The following ZNF236 variants were observed in gnomAD, a reference collection of about 807,000 sequenced individuals.
ZNF236 encodes regulated by glucose.
A neutral mutation model predicts 191.2 loss-of-function variants in ZNF236; 50 were observed. That is an observed-to-expected ratio of 0.26 (90% CI 0.21 to 0.33). ZNF236 has a LOEUF of 0.33. Ranked by LOEUF, ZNF236 falls within the 10% of genes least tolerant of loss-of-function variation. ZNF236 has a pLI of 1.00. For synonymous variants in ZNF236, 907 were observed against 928.8 expected (o/e 0.98, Z 0.43); for missense variants, 1,754 against 2,374.5 (o/e 0.74, Z 5.43).
chr18:76,931,390 G>A (rs1967841660), intron 25 of ZNF236, among the ~76,000 whole-genome samples: 1 of 152,192 alleles, frequency 6.6e-6, no homozygotes, highest in South Asian at 2.1e-4. Context: ...ACTGGCTTAT[G>A]TCTAATTCTA....
chr18:76,942,983 C>T (rs1165743196), intron 26 of ZNF236, among the ~76,000 whole-genome samples: 6 of 150,308 alleles, frequency 4.0e-5, no homozygotes, highest in African/African-American at 9.7e-5. Flanking sequence ...ATTAGCCAGG[C>T]GTGGTGGCGG....
At chr18:76,928,353 A>G (rs960945212) in intron 25 of ZNF236, among the ~76,000 whole-genome samples, 9 of 152,232 alleles carry the variant, frequency 5.9e-5, no homozygotes, top group African/African-American at 1.9e-4. Context: ...TAATTATTTC[A>G]TTCATTGACT....
At chr18:76,826,221 C>T (rs988395633) in intron 1 of ZNF236, among the ~76,000 whole-genome samples, 2 of 151,780 alleles carry the variant, frequency 1.3e-5, no homozygotes, top group African/African-American at 4.8e-5. Flanking sequence ...AAGCAATTCT[C>T]CTGCCTCAGC....
At chr18:76,957,666 C>A (rs1056733066) in intron 28 of ZNF236, among the ~76,000 whole-genome samples, 90 of 152,172 alleles carry the variant, frequency 5.9e-4, no homozygotes, top group Non-Finnish European at 2.5e-4. Context: ...GCTCCTCTCC[C>A]TCCTCCCTCA....
intron 10 of ZNF236, 109 bp from the exon 11 acceptor site, chr18:76,898,909 TA>T: frequency 1.1e-6 from 1 of 922,704 alleles, no homozygotes; most frequent in Non-Finnish European, 1.6e-6. Flanking sequence ...CATGGCCTAA[TA>T]AATTGAAGGT....
intron 9 of ZNF236, 134 bp from the exon 10 acceptor site, chr18:76,894,879 C>T: frequency 8.3e-6 from 10 of 1,205,280 alleles, no homozygotes; most frequent in Non-Finnish European, 1.2e-5. Flanking sequence ...TCGATAATGT[C>T]AGTGATCCTG....
At chr18:76,904,341 T>C (rs1484774403) in intron 11 of ZNF236, 39 bp from the exon 12 acceptor site, 6 of 1,570,150 alleles carry the variant, frequency 3.8e-6, no homozygotes, top group South Asian at 2.4e-5. Flanking sequence ...ATTACTAGCA[T>C]TGACAGTGAA....
chr18:76,831,832 C>T (rs1301939488), intron 1 of ZNF236, among the ~76,000 whole-genome samples: 2 of 152,012 alleles, frequency 1.3e-5, no homozygotes, highest in East Asian at 3.9e-4. Flanking sequence ...GCTCATTTGC[C>T]ATCTGTGTAT....
At chr18:76,866,752 T>A (rs1976421313) in intron 3 of ZNF236, among the ~76,000 whole-genome samples, 1 of 152,176 alleles carries the variant, frequency 6.6e-6, no homozygotes, top group Non-Finnish European at 1.5e-5. Flanking sequence ...GTTGTCCTAG[T>A]GGCCTGTGAC....
chr18:76,846,898 G>A (rs1340102748), intron 1 of ZNF236, among the ~76,000 whole-genome samples: 3 of 151,654 alleles, frequency 2.0e-5, no homozygotes, highest in Non-Finnish European at 2.9e-5. Flanking sequence ...GGGTTCAAGC[G>A]ATTCTCCTGC....
At chr18:76,914,410 A>G (rs111842186) in intron 18 of ZNF236, among the ~76,000 whole-genome samples, 46 of 152,336 alleles carry the variant, frequency 3.0e-4, no homozygotes, top group African/African-American at 9.9e-4. Context: ...TTGTGTGGAC[A>G]TGGGCTCATT....
At chr18:76,882,491 G>A (rs1229181402) in intron 9 of ZNF236, among the ~76,000 whole-genome samples, 1 of 152,180 alleles carries the variant, frequency 6.6e-6, no homozygotes, top group African/African-American at 2.4e-5. Flanking sequence ...ACAGGAGCAG[G>A]AATTTACTAC....
chr18:76,873,740 T>C (rs1976639972), intron 5 of ZNF236, among the ~76,000 whole-genome samples: 2 of 152,166 alleles, frequency 1.3e-5, no homozygotes, highest in African/African-American at 4.8e-5. Context: ...GAAGGGTATC[T>C]CTTCGCAGGC....
intron 3 of ZNF236, among the ~76,000 whole-genome samples, chr18:76,864,866 A>T (rs548608976): frequency 1.3e-4 from 20 of 152,218 alleles, no homozygotes; most frequent in Middle Eastern, 3.4e-3. Flanking sequence ...TGCCATACAA[A>T]GCAATGTACT....
chr18:76,892,641 C>T (rs560544347), intron 9 of ZNF236, among the ~76,000 whole-genome samples: 1 of 152,308 alleles, frequency 6.6e-6, no homozygotes, highest in South Asian at 2.1e-4. Flanking sequence ...AGTCTTGGCT[C>T]ACCATAACCT....
chr18:76,909,708 G>A (rs1169842459), intron 14 of ZNF236, among the ~76,000 whole-genome samples: 1 of 152,136 alleles, frequency 6.6e-6, no homozygotes, highest in Non-Finnish European at 1.5e-5. Flanking sequence ...TTTGTTTTAT[G>A]GATGTCTCAA....
In ZNF236 at chr18:76,899,101, T is replaced by A; in HGVS notation, c.1773T>A (p.Phe591Leu). Residue 591 changes from phenylalanine to leucine, a missense_variant, in exon 11 of 31, where the codon TTT (phenylalanine) becomes TTA (leucine). This residue lies in a region of ZNF236 where 641 missense variants were observed against 869.6 expected (regional missense o/e 0.74). Coordinates refer to ENST00000320610, the MANE Select transcript of ZNF236 (RefSeq NM_001306089.2). ...GGAAGACTCACATTGCTTCCCACTTTAAACATACGGAATTAAGGAAAATGA... is the reference window on the plus strand; with the variant it reads ...GGAAGACTCACATTGCTTCCCACTTAAAACATACGGAATTAAGGAAAATGA... The part of the protein sequence containing the change: ...GHRKTHIASH[F>L]KHTELRKMRH... The A allele has an allele frequency of 6.2e-7, 1 of 1,614,182 alleles. No individual in the cohort carries two copies. Among genetic ancestry groups the A allele is most frequent in the Non-Finnish European group, 8.5e-7 (1 of 1,180,024 alleles).
intron 1 of ZNF236, among the ~76,000 whole-genome samples, chr18:76,835,322 T>C (rs1380397127): frequency 2.0e-5 from 3 of 152,208 alleles, no homozygotes; most frequent in Non-Finnish European, 2.9e-5. Flanking sequence ...TTTCATGTTA[T>C]GTGGTTATAT....
At chr18:76,834,755 C>T (rs866043385) in intron 1 of ZNF236, 14 of 452,024 alleles carry the variant, frequency 3.1e-5, no homozygotes, top group South Asian at 5.4e-5. Flanking sequence ...GGGCATGGAT[C>T]GAACATTGTA....
Sources: gnomAD v4.1 joint callset for allele counts (sites outside exome capture counted in the v4.1 genomes callset) on GRCh38, gnomAD v4.1.1 for gene constraint, gnomAD v4.1.1 regional missense constraint, MANE v1.5 for transcripts, NCBI Gene and HGNC (gene_info 2026-07-23, HGNC 2026-07-21) for gene names.